The following RIPOR2 variants were observed in gnomAD, a reference collection of about 807,000 sequenced individuals.
RIPOR2 encodes RHO family interacting cell polarization regulator 2.
In RIPOR2, 39 loss-of-function variants were observed where a neutral mutation model predicts 114.5. The observed-to-expected ratio is 0.34, with a 90% CI of 0.26 to 0.44. The LOEUF is 0.44. Ranked by LOEUF, RIPOR2 falls within the 20% of genes least tolerant of loss-of-function variation. The pLI is 1.00. For synonymous variants in RIPOR2, 445 were observed against 484.4 expected, an observed-to-expected ratio of 0.92 and a Z score of 1.07; for missense variants, 1,007 against 1,255.1, an observed-to-expected ratio of 0.80 and a Z score of 2.99.
intron 1 of RIPOR2, among the ~76,000 whole-genome samples, chr6:24,992,855 T>C (rs767518886): frequency 6.6e-6 from 1 of 152,234 alleles, no homozygotes; most frequent in Non-Finnish European, 1.5e-5. Context: ...ATGGTACTGG[T>C]ACAAATCTGG....
At chr6:24,822,278 T>C (rs1261576042) in intron 19 of RIPOR2, among the ~76,000 whole-genome samples, 2 of 152,226 alleles carry the variant, frequency 1.3e-5, no homozygotes, top group East Asian at 1.9e-4. Context: ...ATTATGTTGG[T>C]GGAAATATTT....
At chr6:24,985,762 A>C (rs1561827169) in intron 1 of RIPOR2, among the ~76,000 whole-genome samples, 1 of 152,104 alleles carries the variant, frequency 6.6e-6, no homozygotes, top group Non-Finnish European at 1.5e-5. Flanking sequence ...TGTACAGGGT[A>C]CTTGCATGTA....
At chr6:24,985,497 C>G (rs1774490871) in intron 1 of RIPOR2, among the ~76,000 whole-genome samples, 1 of 152,100 alleles carries the variant, frequency 6.6e-6, no homozygotes, top group Non-Finnish European at 1.5e-5. Flanking sequence ...AACCCTAACC[C>G]AAGTGGATTA....
At chr6:24,899,150 G>C (rs558590621) in intron 1 of RIPOR2, among the ~76,000 whole-genome samples, 4 of 151,930 alleles carry the variant, frequency 2.6e-5, no homozygotes, top group South Asian at 2.1e-4. Context: ...GATCATGAAG[G>C]TTCAGGGACA....
At chr6:24,970,489 C>A (rs1773733048) in intron 1 of RIPOR2, among the ~76,000 whole-genome samples, 1 of 152,206 alleles carries the variant, frequency 6.6e-6, no homozygotes, top group African/African-American at 2.4e-5. Context: ...CAAATTCCTG[C>A]ACCTTCTCTG....
intron 1 of RIPOR2, chr6:24,898,455 G>A (rs958842559): frequency 6.6e-6 from 1 of 152,174 alleles, no homozygotes; most frequent in East Asian, 1.9e-4. Context: ...AGTTGCCTTA[G>A]ATAAGTTGTA....
intron 12 of RIPOR2, among the ~76,000 whole-genome samples, chr6:24,846,851 T>C (rs1050106335): frequency 3.3e-5 from 5 of 152,232 alleles, no homozygotes; most frequent in Non-Finnish European, 5.9e-5. Context: ...CGAAGTGTTA[T>C]AGAATTAACA....
intron 17 of RIPOR2, 73 bp downstream of exon 17, chr6:24,830,436 T>A: frequency 3.1e-6 from 4 of 1,282,736 alleles, no homozygotes; most frequent in Non-Finnish European, 4.3e-6. Flanking sequence ...AGGACCCCTC[T>A]CCCCCGACCC....
At chr6:24,955,552 C>A (rs1772992195) in intron 1 of RIPOR2, among the ~76,000 whole-genome samples, 1 of 152,154 alleles carries the variant, frequency 6.6e-6, no homozygotes, top group Non-Finnish European at 1.5e-5. Context: ...CCCTATCTCA[C>A]CTCCTATTTC....
chr6:24,819,653 G>T (rs544866981), intron 19 of RIPOR2, among the ~76,000 whole-genome samples: 1 of 75,534 alleles, frequency 1.3e-5, no homozygotes, highest in Admixed American at 1.8e-4. Flanking sequence ...CCACCACCAC[G>T]CCCAGCTAAT....
rs188121423 is a variant in RIPOR2, at chr6:24,918,718, A to G, written c.61+17120T>C. Among the ~76,000 whole-genome samples, 38 of 152,368 alleles carry G rather than the reference A, an allele frequency of 2.5e-4. 1 individual carries two copies. The highest frequency in any genetic ancestry group is 7.7e-4 in the African/African-American group (32 of 41,586). Reference sequence around the variant, plus strand: ...AATGAGCTGTCACTACTACTCAGGCAAAGCTAGAGAAAGCTCTAGAGTCTC... The same window carrying G: ...AATGAGCTGTCACTACTACTCAGGCGAAGCTAGAGAAAGCTCTAGAGTCTC... On this transcript the variant is annotated intron_variant, in intron 1 of 21. Coordinates refer to ENST00000643898, the MANE Select transcript of RIPOR2 (RefSeq NM_001286445.3).
intron 1 of RIPOR2, among the ~76,000 whole-genome samples, chr6:25,013,722 G>T (rs569933740): frequency 1.5e-4 from 23 of 152,282 alleles, no homozygotes; most frequent in Admixed American, 3.3e-4. Context: ...CTCTGCACTG[G>T]CTCTTTTGTA....
At position 24,986,088 on chromosome 6, in the gene RIPOR2, C is replaced by T. The variant is rs373837379; in HGVS notation, c.76+55763G>A. ...AGAATTCTCTTTTAGAAGATTAATACTGTGTGTTGTGTGATATTAGTTGAT... is the reference window on the plus strand; with the variant it reads ...AGAATTCTCTTTTAGAAGATTAATATTGTGTGTTGTGTGATATTAGTTGAT... On this transcript the variant is annotated intron_variant, in intron 1 of 13. Transcript: ENST00000510784. 1.6e-4 allele frequency among the ~76,000 whole-genome samples: 25 copies of T among 152,182 alleles called. 1 individual carries two copies. Among genetic ancestry groups the T allele is most frequent in the East Asian group, 9.6e-4 (5 of 5,200 alleles).
chr6:24,972,411 C>T (rs1395613125), intron 1 of RIPOR2, among the ~76,000 whole-genome samples: 1 of 152,206 alleles, frequency 6.6e-6, no homozygotes, highest in Non-Finnish European at 1.5e-5. Flanking sequence ...ACTCACACTA[C>T]AGGGAACTGA....
At chr6:25,005,738 T>TATATACATACATAC (rs34572978) in intron 1 of RIPOR2, among the ~76,000 whole-genome samples, 14 of 70,696 alleles carry the variant, frequency 2.0e-4, no homozygotes, top group African/African-American at 3.7e-4. Context: ...TATATATATA[T>TATATACATACATAC]ATACATTTAC....
At chr6:24,968,759 G>C (rs1486108300) in intron 1 of RIPOR2, among the ~76,000 whole-genome samples, 1 of 152,152 alleles carries the variant, frequency 6.6e-6, no homozygotes, top group Non-Finnish European at 1.5e-5. Flanking sequence ...CTGTGCCCTA[G>C]CATCTTCCTG....
intron 1 of RIPOR2, among the ~76,000 whole-genome samples, chr6:24,952,649 T>G (rs1223489330): frequency 6.6e-6 from 1 of 152,244 alleles, no homozygotes; most frequent in Non-Finnish European, 1.5e-5. Context: ...TAGCATTGTT[T>G]TAAATGTAAT....
chr6:24,958,217 T>C (rs972789428), intron 1 of RIPOR2, among the ~76,000 whole-genome samples: 1 of 152,226 alleles, frequency 6.6e-6, no homozygotes, highest in Non-Finnish European at 1.5e-5. Flanking sequence ...TAGTGTAGTA[T>C]GGTCATATGT....
At chr6:24,871,318 C>T (rs755287875) in intron 4 of RIPOR2, among the ~76,000 whole-genome samples, 34 of 152,184 alleles carry the variant, frequency 2.2e-4, no homozygotes, top group Non-Finnish European at 3.7e-4. Context: ...ATACCTGCCT[C>T]GCTGTCTAAA....
Sources: gnomAD v4.1 joint callset for allele counts (sites outside exome capture counted in the v4.1 genomes callset) on GRCh38, gnomAD v4.1.1 for gene constraint, MANE v1.5 for transcripts, NCBI Gene and HGNC (gene_info 2026-07-23, HGNC 2026-07-21) for gene names.